The following MDGA2 variants were observed in gnomAD, a reference collection of about 807,000 sequenced individuals.
MDGA2 encodes the protein MAM domain containing glycosylphosphatidylinositol anchor 2.
In MDGA2, 40 loss-of-function variants were observed where a neutral mutation model predicts 117.8. The ratio of observed to expected loss-of-function variants is 0.34; its 90% CI spans 0.26 to 0.44. MDGA2 has a LOEUF of 0.44. MDGA2 is among the 20% of genes least tolerant of loss of function. The probability of loss-of-function intolerance (pLI) is 1.00; values close to 1 mark genes in which losing one functional copy is unlikely to be tolerated. For synonymous variants in MDGA2, 452 were observed against 439.0 expected (o/e 1.03, Z -0.37); for missense variants, 1,123 against 1,250.6 (o/e 0.90, Z 1.54).
At chr14:47,595,588 A>C (rs1481184678) in intron 1 of MDGA2, among the ~76,000 whole-genome samples, 2 of 151,890 alleles carry the variant, frequency 1.3e-5, no homozygotes, top group Non-Finnish European at 2.9e-5. Context: ...AACCCATAAA[A>C]ACTCATCCTA....
intron 7 of MDGA2, among the ~76,000 whole-genome samples, chr14:47,041,126 A>G (rs991183051): frequency 2.0e-5 from 3 of 152,182 alleles, no homozygotes; most frequent in African/African-American, 7.2e-5. Context: ...CTTATGCAAA[A>G]TATATTGTTA....
chr14:47,221,397 A>C (rs1391901896), intron 2 of MDGA2, among the ~76,000 whole-genome samples: 1 of 152,202 alleles, frequency 6.6e-6, no homozygotes, highest in African/African-American at 2.4e-5. Flanking sequence ...AGGAAAAATG[A>C]GATAAAGAGG....
chr14:47,514,402 C>G (rs1251812859), intron 1 of MDGA2, among the ~76,000 whole-genome samples: 1 of 152,060 alleles, frequency 6.6e-6, no homozygotes, highest in Non-Finnish European at 1.5e-5. Flanking sequence ...AAATTAACTC[C>G]TGGAATTCTG....
intron 2 of MDGA2, among the ~76,000 whole-genome samples, chr14:47,226,012 G>T (rs1886481985): frequency 6.6e-6 from 1 of 151,900 alleles, no homozygotes; most frequent in Non-Finnish European, 1.5e-5. Context: ...AGCCTGGCCG[G>T]GAGCAGTGGC....
At chr14:47,137,908 G>A (rs1882534672) in intron 4 of MDGA2, among the ~76,000 whole-genome samples, 1 of 152,028 alleles carries the variant, frequency 6.6e-6, no homozygotes, top group East Asian at 1.9e-4. Flanking sequence ...CAGGTAACAT[G>A]GTCTCTAAGT....
chr14:47,352,707 TTAC>T (rs1483327660), intron 1 of MDGA2, among the ~76,000 whole-genome samples: 1 of 152,230 alleles, frequency 6.6e-6, no homozygotes, highest in Non-Finnish European at 1.5e-5. Flanking sequence ...TTCAGTAAAG[TTAC>T]TACAATACTA....
chr14:47,130,034 T>C (rs1474729859), intron 5 of MDGA2, among the ~76,000 whole-genome samples: 9 of 151,406 alleles, frequency 5.9e-5, no homozygotes, highest in South Asian at 2.1e-4. Context: ...TTCTCCCATT[T>C]TGTAGGTTGC....
chr14:47,449,859 A>T (rs1280268668), intron 1 of MDGA2, among the ~76,000 whole-genome samples: 7 of 152,132 alleles, frequency 4.6e-5, no homozygotes, highest in Non-Finnish European at 1.0e-4. Context: ...ATTTAAAAAG[A>T]GTTGCTACCT....
intron 2 of MDGA2, 95 bp from the exon 3 acceptor site, chr14:47,218,290 C>A: frequency 7.8e-6 from 8 of 1,023,756 alleles, no homozygotes; most frequent in Admixed American, 3.2e-5. Context: ...GCATTTAGAG[C>A]TGCTACATTG....
At chr14:46,944,091 TG>T (rs1456174207) in intron 9 of MDGA2, among the ~76,000 whole-genome samples, 1 of 152,100 alleles carries the variant, frequency 6.6e-6, no homozygotes, top group Admixed American at 6.6e-5. Context: ...TTATAGATCC[TG>T]GTCTTCACTG....
At chr14:46,847,503 A>G (rs1236424874) in intron 15 of MDGA2, among the ~76,000 whole-genome samples, 1 of 152,006 alleles carries the variant, frequency 6.6e-6, no homozygotes, top group African/African-American at 2.4e-5. Flanking sequence ...CTTGGAAATG[A>G]TGACTTCCAT....
At chr14:47,165,737 T>C (rs1298730611) in intron 3 of MDGA2, among the ~76,000 whole-genome samples, 2 of 152,210 alleles carry the variant, frequency 1.3e-5, no homozygotes, top group Admixed American at 6.5e-5. Flanking sequence ...AAAACTGATA[T>C]ACAAAGAAAC....
intron 3 of MDGA2, among the ~76,000 whole-genome samples, chr14:47,185,681 C>T (rs1884883692): frequency 6.6e-6 from 1 of 151,444 alleles, no homozygotes; most frequent in South Asian, 2.1e-4. Flanking sequence ...TAATCTTAAC[C>T]ATAAAACTGG....
intron 8 of MDGA2, among the ~76,000 whole-genome samples, chr14:47,034,500 A>G (rs568195473): frequency 4.1e-4 from 62 of 152,274 alleles, no homozygotes; most frequent in African/African-American, 1.5e-3. Context: ...AACTTCAGGT[A>G]TGCAAATATA....
intron 8 of MDGA2, among the ~76,000 whole-genome samples, chr14:46,989,133 T>C (rs1002911459): frequency 2.6e-5 from 4 of 152,120 alleles, no homozygotes; most frequent in Non-Finnish European, 5.9e-5. Context: ...CTTTTCTTTG[T>C]ATCTGTCCAC....
At chr14:47,549,001 TA>T (rs757432959) in intron 1 of MDGA2, among the ~76,000 whole-genome samples, 23 of 152,166 alleles carry the variant, frequency 1.5e-4, no homozygotes, top group Admixed American at 7.9e-4. Context: ...CTACGTGAGG[TA>T]AAAAAACATA....
At chr14:46,925,159 A>G (rs1884279066) in intron 9 of MDGA2, among the ~76,000 whole-genome samples, 1 of 152,204 alleles carries the variant, frequency 6.6e-6, no homozygotes, top group Admixed American at 6.5e-5. Flanking sequence ...AAAAGAGCCA[A>G]TGACAAATTG....
intron 1 of MDGA2, among the ~76,000 whole-genome samples, chr14:47,353,243 C>T (rs1015517277): frequency 6.6e-6 from 1 of 152,114 alleles, no homozygotes; most frequent in Non-Finnish European, 1.5e-5. Flanking sequence ...TTTACTATTA[C>T]AATGAGCAAA....
intron 2 of MDGA2, among the ~76,000 whole-genome samples, chr14:47,226,079 C>A (rs1203263506): frequency 6.6e-6 from 1 of 151,808 alleles, no homozygotes; most frequent in Non-Finnish European, 1.5e-5. Flanking sequence ...GGATTGAAGC[C>A]AGGAGTTTGA....
Sources: gnomAD v4.1 joint callset for allele counts (sites outside exome capture counted in the v4.1 genomes callset) on GRCh38, gnomAD v4.1.1 for gene constraint, MANE v1.5 for transcripts, NCBI Gene and HGNC (gene_info 2026-07-23, HGNC 2026-07-21) for gene names.